Variants in CWC27 observed in about 807,000 individuals in gnomAD.
The protein encoded by CWC27 is CWC27 spliceosome associated cyclophilin.
In CWC27, 47 loss-of-function variants were observed where a neutral mutation model predicts 63.6. The ratio of observed to expected loss-of-function variants is 0.74; its 90% confidence interval spans 0.58 to 0.94. The LOEUF is 0.94. Ranked by LOEUF, CWC27 falls within the 40% of genes least tolerant of loss-of-function variation. The probability of loss-of-function intolerance (pLI) is 0.00; values close to 1 mark genes in which losing one functional copy is unlikely to be tolerated. For synonymous variants in CWC27, 175 were observed against 179.8 expected (o/e 0.97, Z 0.22); for missense variants, 495 against 554.3 (o/e 0.89, Z 1.07).
intron 11 of CWC27, among the ~76,000 whole-genome samples, chr5:64,952,502 CA>C (rs556808303): frequency 1.2e-3 from 178 of 152,008 alleles, no homozygotes; most frequent in Middle Eastern, 0.01. Context: ...ACAACATGAA[CA>C]AAAGCACAGA....
At chr5:64,932,755 A>G (rs1459697677) in intron 11 of CWC27, among the ~76,000 whole-genome samples, 4 of 152,156 alleles carry the variant, frequency 2.6e-5, no homozygotes, top group Non-Finnish European at 5.9e-5. Flanking sequence ...ATATTCAGCC[A>G]ATTGGCAAGT....
chr5:64,979,614 C>T (rs1397892407), intron 13 of CWC27, among the ~76,000 whole-genome samples: 1 of 152,178 alleles, frequency 6.6e-6, no homozygotes, highest in East Asian at 1.9e-4. Flanking sequence ...ATTATGAGTG[C>T]ATGGCATGTG....
At chr5:64,771,673 TTTA>T (rs994245701) in intron 1 of CWC27, among the ~76,000 whole-genome samples, 15 of 143,964 alleles carry the variant, frequency 1.0e-4, no homozygotes, top group Non-Finnish European at 1.8e-4. Context: ...TCAAAATGGC[TTTA>T]TAAGTATATT....
At chr5:64,865,407 A>G (rs573511162) in intron 10 of CWC27, among the ~76,000 whole-genome samples, 25 of 152,094 alleles carry the variant, frequency 1.6e-4, no homozygotes, top group Non-Finnish European at 3.5e-4. Flanking sequence ...GTATTCACCT[A>G]TAAGTGTTCT....
At chr5:64,969,580 G>T (rs753188260) in intron 11 of CWC27, among the ~76,000 whole-genome samples, 1 of 151,604 alleles carries the variant, frequency 6.6e-6, no homozygotes, top group Non-Finnish European at 1.5e-5. Flanking sequence ...ACTATTTATT[G>T]AATCACTTGC....
intron 11 of CWC27, among the ~76,000 whole-genome samples, chr5:64,937,444 G>T (rs553417623): frequency 1.2e-4 from 19 of 152,290 alleles, no homozygotes; most frequent in Admixed American, 2.6e-4. Flanking sequence ...TAATTTGATT[G>T]CACTGTGCTC....
chr5:64,874,684 A>G (rs1271383749), intron 10 of CWC27, among the ~76,000 whole-genome samples: 1 of 151,994 alleles, frequency 6.6e-6, no homozygotes, highest in Non-Finnish European at 1.5e-5. Context: ...AGAGTGTTCA[A>G]CTATCAGTTC....
chr5:64,930,207 G>A (rs1002981084), intron 11 of CWC27, among the ~76,000 whole-genome samples: 17 of 152,020 alleles, frequency 1.1e-4, no homozygotes, highest in African/African-American at 3.1e-4. Flanking sequence ...ATTTGCCAGG[G>A]AATGCAGAAA....
chr5:64,769,205 G>A lies in CWC27; in HGVS notation c.42+17G>A. 1 of 1,613,274 alleles carries A rather than the reference G, an allele frequency of 6.2e-7. No individual in the cohort carries two copies. Among genetic ancestry groups the A allele is most frequent in the Non-Finnish European group, 8.5e-7 (1 of 1,179,254 alleles). On this transcript the variant is annotated intron_variant, in intron 1 of 13. Coordinates refer to ENST00000381070, the MANE Select transcript of CWC27 (RefSeq NM_005869.4). Reference sequence around the variant, plus strand: ...AATGGGAAGGTGAGAGCCTCATCTAGGGAACTTGGGGTCCTGGGATCCCCA... The same window carrying A: ...AATGGGAAGGTGAGAGCCTCATCTAAGGAACTTGGGGTCCTGGGATCCCCA...
chr5:64,832,679 G>A (rs556993495), intron 10 of CWC27, among the ~76,000 whole-genome samples: 69 of 151,734 alleles, frequency 4.5e-4, no homozygotes, highest in African/African-American at 1.7e-3. Flanking sequence ...GCTTCATCAA[G>A]GATATTAAAT....
chr5:64,987,660 A>C (rs1749461610), intron 13 of CWC27, among the ~76,000 whole-genome samples: 1 of 152,186 alleles, frequency 6.6e-6, no homozygotes, highest in African/African-American at 2.4e-5. Flanking sequence ...CCTTCACTTT[A>C]GAATGTCATT....
In CWC27 at chr5:64,906,102, G is replaced by A. The variant is rs547952726; in HGVS notation, c.1042+20556G>A. Among the ~76,000 whole-genome samples the A allele has an allele frequency of 2.2e-4, 33 of 152,144 alleles. No individual in the cohort carries two copies. The South Asian group carries it at 2.3e-3, about 11-fold the overall frequency. On this transcript the variant is annotated intron_variant, in intron 11 of 13. Coordinates refer to ENST00000381070, the MANE Select transcript of CWC27 (RefSeq NM_005869.4). ...CATTGATAGACATTTAGGTGGGTTC[G>A]AAGTCTTTGTTATTATGAGTAGTGC...
intron 4 of CWC27, among the ~76,000 whole-genome samples, chr5:64,785,150 AT>A (rs1411821725): frequency 6.6e-6 from 1 of 152,120 alleles, no homozygotes; most frequent in Non-Finnish European, 1.5e-5. Context: ...TTATTTGCTT[AT>A]TTTATCCTAT....
chr5:64,920,778 T>C (rs1374761000), intron 11 of CWC27, among the ~76,000 whole-genome samples: 1 of 152,196 alleles, frequency 6.6e-6, no homozygotes, highest in African/African-American at 2.4e-5. Flanking sequence ...TTTTTTGTAT[T>C]TCTGTGGGGT....
At chr5:64,798,704 A>T (rs181809740) in intron 7 of CWC27, among the ~76,000 whole-genome samples, 1 of 152,324 alleles carries the variant, frequency 6.6e-6, no homozygotes, top group Admixed American at 6.5e-5. Context: ...CTGTTTTTCA[A>T]ATTAAAAGTG....
chr5:64,816,595 G>A lies in CWC27; in HGVS notation c.938+12209G>A, dbSNP rs189130068. On this transcript the variant is annotated intron_variant, in intron 10 of 13. Transcript: ENST00000381070. ...GACGGTAGAATAGAGAGGAGCATGCGTCCTTGAAGACTTCGTGGAACCATT... is the reference window on the plus strand; with the variant it reads ...GACGGTAGAATAGAGAGGAGCATGCATCCTTGAAGACTTCGTGGAACCATT... 3.6e-3 allele frequency among the ~76,000 whole-genome samples: 545 copies of A among 152,214 alleles called. 1 individual carries two copies. Among genetic ancestry groups the A allele is most frequent in the Middle Eastern group, 0.014 (4 of 294 alleles).
intron 10 of CWC27, among the ~76,000 whole-genome samples, chr5:64,861,562 T>C (rs1354680582): frequency 1.3e-5 from 2 of 152,234 alleles, no homozygotes; most frequent in Non-Finnish European, 2.9e-5. Flanking sequence ...AGGTACTCTG[T>C]ACTTAGTGAT....
intron 13 of CWC27, among the ~76,000 whole-genome samples, chr5:65,007,925 GC>G (rs200320525): frequency 0.01 from 1,535 of 152,302 alleles, 28 homozygotes; most frequent in African/African-American, 0.035. Flanking sequence ...ACCGTGCCCA[GC>G]CTCATCATTT....
At chr5:64,942,498 A>G (rs1748505194) in intron 11 of CWC27, among the ~76,000 whole-genome samples, 2 of 151,798 alleles carry the variant, frequency 1.3e-5, no homozygotes, top group Non-Finnish European at 2.9e-5. Context: ...TCTTTAAAAT[A>G]AATGGCCAAT....
Sources: allele counts gnomAD v4.1 joint callset (sites outside exome capture counted in the v4.1 genomes callset), GRCh38; gene constraint gnomAD v4.1.1; transcripts MANE v1.5; gene names NCBI Gene and HGNC (gene_info 2026-07-23, HGNC 2026-07-21).